PPP1R1C: variants seen among roughly 807,000 people sequenced by gnomAD.
The protein encoded by PPP1R1C is protein phosphatase 1 regulatory subunit 1C.
In PPP1R1C, 15 loss-of-function variants were observed where a neutral mutation model predicts 17.4. That is an observed-to-expected ratio of 0.86 (90% CI 0.58 to 1.33). The LOEUF (loss-of-function observed/expected upper bound fraction) is 1.33, where lower values mean the gene tolerates loss of function less well. Among genes scored for constraint, PPP1R1C ranks in the 40% most tolerant of loss-of-function variants. PPP1R1C has a pLI of 0.00. For missense variants in PPP1R1C, 143 were observed against 130.0 expected (o/e 1.10, Z -0.48); for synonymous variants, 35 against 43.1 (o/e 0.81, Z 0.73).
At chr2:182,090,818 A>T (rs1688759666) in intron 4 of PPP1R1C, among the ~76,000 whole-genome samples, 1 of 152,222 alleles carries the variant, frequency 6.6e-6, no homozygotes, top group African/African-American at 2.4e-5. Context: ...AAGAAAAGAA[A>T]CCAAATTCTC....
intron 2 of PPP1R1C, among the ~76,000 whole-genome samples, chr2:182,058,097 A>ATTTTTTT (rs1209960478): frequency 6.6e-6 from 1 of 152,084 alleles, no homozygotes; most frequent in Non-Finnish European, 1.5e-5. Context: ...TAATTAACTG[A>ATTTTTTT]AACCCATAGT....
intron 4 of PPP1R1C, among the ~76,000 whole-genome samples, chr2:182,111,115 A>G (rs1689404660): frequency 6.6e-6 from 1 of 152,138 alleles, no homozygotes; most frequent in Non-Finnish European, 1.5e-5. Context: ...GTTTGAATTC[A>G]TATTTCTAAT....
At chr2:182,120,097 A>G (rs1209496925), downstream of PPP1R1C, among the ~76,000 whole-genome samples, 1 of 152,156 alleles carries the variant, frequency 6.6e-6, no homozygotes, top group African/African-American at 2.4e-5. Flanking sequence ...GGTGTAAGGA[A>G]GGGATCCAGT....
At chr2:182,102,874 G>A (rs995244670) in intron 4 of PPP1R1C, among the ~76,000 whole-genome samples, 1 of 151,812 alleles carries the variant, frequency 6.6e-6, no homozygotes, top group African/African-American at 2.4e-5. Flanking sequence ...GTGCAGTGGT[G>A]CACCATCACA....
At chr2:182,124,327 G>GTTTTTTTTTTTTT (rs1294464668) in intron 5 of PPP1R1C, among the ~76,000 whole-genome samples, 79 of 82,966 alleles carry the variant, frequency 9.5e-4, no homozygotes, top group South Asian at 1.5e-3. Context: ...TTTTTTTTTT[G>GTTTTTTTTTTTTT]TTTTTTTTTT....
chr2:182,097,912 C>A (rs1426701101), intron 4 of PPP1R1C, among the ~76,000 whole-genome samples: 1 of 152,164 alleles, frequency 6.6e-6, no homozygotes, highest in Non-Finnish European at 1.5e-5. Context: ...CTTCTAAAAT[C>A]ATCTTGAGAC....
At chr2:181,978,237 G>T (rs1253106138) in intron 2 of PPP1R1C, among the ~76,000 whole-genome samples, 2 of 152,206 alleles carry the variant, frequency 1.3e-5, no homozygotes, top group East Asian at 3.8e-4. Flanking sequence ...AACACATGGG[G>T]ATTATCACAA....
At chr2:182,017,679 G>T (rs534511887) in intron 2 of PPP1R1C, among the ~76,000 whole-genome samples, 1 of 152,202 alleles carries the variant, frequency 6.6e-6, no homozygotes, top group South Asian at 2.1e-4. Context: ...TATTCTGTGA[G>T]TTTGTGTTTT....
chr2:181,962,009 G>T lies in PPP1R1C; in HGVS notation n.111+7375G>T. ...TCTAAAGTCATCGGCTGCAAGACAGGCATTGTCAATCTGCAAAACGATGCC... is the reference window on the plus strand; with the variant it reads ...TCTAAAGTCATCGGCTGCAAGACAGTCATTGTCAATCTGCAAAACGATGCC... On this transcript the variant is annotated intron_variant and non_coding_transcript_variant, in intron 1 of 5. Coordinates refer to the PPP1R1C transcript ENST00000464264. The surrounding 1 kb of genome is among the most constrained non-coding windows in gnomAD (Gnocchi z 6.0). The T allele has an allele frequency of 1.5e-5, 11 of 731,378 alleles. No homozygotes were observed. Among genetic ancestry groups the T allele is most frequent in the South Asian group, 1.5e-4 (11 of 73,500 alleles). 45.3% of individuals were successfully genotyped at this position (731,378 alleles called of 1,614,324 possible).
In PPP1R1C at chr2:182,128,119, A is replaced by G. The variant is rs1689919389; in HGVS notation, c.*7-855A>G. Among the ~76,000 whole-genome samples the G allele has an allele frequency of 2.0e-5, 3 of 152,094 alleles. No individual in the cohort carries two copies. In the South Asian group the frequency reaches 6.2e-4, roughly 32 times the overall value. On this transcript the variant is annotated intron_variant, in intron 5 of 5. Coordinates refer to the PPP1R1C transcript ENST00000280295. ...TATGTAGGAATACCTATGACATGCT[A>G]AACATTGTTTAAGTGCTGCTGATTC...
intron 2 of PPP1R1C, among the ~76,000 whole-genome samples, chr2:182,024,592 C>A (rs1163030662): frequency 6.6e-6 from 1 of 151,882 alleles, no homozygotes; most frequent in East Asian, 1.9e-4. Flanking sequence ...TATTATAGAA[C>A]CTGTAAAAAC....
chr2:182,095,066 G>A (rs527573532), intron 4 of PPP1R1C, among the ~76,000 whole-genome samples: 79 of 152,228 alleles, frequency 5.2e-4, no homozygotes, highest in African/African-American at 1.3e-3. Context: ...CGAGGCAGGC[G>A]GATCATGAGG....
intron 2 of PPP1R1C, among the ~76,000 whole-genome samples, chr2:181,988,133 A>C (rs1222354451): frequency 6.6e-6 from 1 of 152,204 alleles, no homozygotes; most frequent in Non-Finnish European, 1.5e-5. Flanking sequence ...TATGCTATGA[A>C]ATATTTTGCT....
chr2:182,051,494 A>G (rs191756559), intron 2 of PPP1R1C, among the ~76,000 whole-genome samples: 42 of 152,330 alleles, frequency 2.8e-4, no homozygotes, highest in African/African-American at 8.9e-4. Context: ...CACATCAGTT[A>G]CAGTATTTCC....
At chr2:182,080,213 A>T (rs1282382634) in intron 4 of PPP1R1C, among the ~76,000 whole-genome samples, 1 of 152,156 alleles carries the variant, frequency 6.6e-6, no homozygotes, top group African/African-American at 2.4e-5. Context: ...CAGATTTCCC[A>T]TTGCATATCT....
At chr2:182,114,573 T>C (rs1689527688) in intron 4 of PPP1R1C, among the ~76,000 whole-genome samples, 1 of 152,172 alleles carries the variant, frequency 6.6e-6, no homozygotes, top group South Asian at 2.1e-4. Context: ...AGAGATTGCC[T>C]TGAAGGCTGC....
chr2:182,012,513 G>A (rs1270366716), intron 2 of PPP1R1C, among the ~76,000 whole-genome samples: 1 of 151,984 alleles, frequency 6.6e-6, no homozygotes, highest in Non-Finnish European at 1.5e-5. Context: ...TAGGTGAAGT[G>A]TGTTTCTTGT....
intron 2 of PPP1R1C, among the ~76,000 whole-genome samples, chr2:181,997,418 CAA>C (rs1685646962): frequency 6.6e-6 from 1 of 152,150 alleles, no homozygotes; most frequent in African/African-American, 2.4e-5. Context: ...CTGAACCTGC[CAA>C]AGTGTCTTGA....
At chr2:181,988,156 C>CAT (rs1387056053) in intron 2 of PPP1R1C, among the ~76,000 whole-genome samples, 2 of 152,214 alleles carry the variant, frequency 1.3e-5, no homozygotes, top group Non-Finnish European at 2.9e-5. Context: ...CACTGGCTGT[C>CAT]ATATGTTCAG....
Sources: allele counts gnomAD v4.1 joint callset (sites outside exome capture counted in the v4.1 genomes callset), GRCh38; gene constraint gnomAD v4.1.1; non-coding constraint Gnocchi (gnomAD v3.1); transcripts MANE v1.5; gene names NCBI Gene and HGNC (gene_info 2026-07-23, HGNC 2026-07-21).